Variants in NMBR observed in about 807,000 individuals in gnomAD.
NMBR encodes neuromedin-B receptor.
NMBR carries 16 observed loss-of-function variants against 20.5 expected under a neutral mutation model. The ratio of observed to expected loss-of-function variants is 0.78; its 90% CI spans 0.53 to 1.19. The LOEUF (loss-of-function observed/expected upper bound fraction) is 1.19, where lower values mean the gene tolerates loss of function less well. NMBR is among the 50% of genes most tolerant of loss of function. The probability of loss-of-function intolerance (pLI) is 0.00; values close to 1 mark genes in which losing one functional copy is unlikely to be tolerated. For missense variants in NMBR, 582 were observed against 499.1 expected (o/e 1.17, Z -1.58); for synonymous variants, 212 against 196.6 (o/e 1.08, Z -0.65).
chr6:142,086,021 C>CT lies in NMBR; in HGVS notation c.422+2215dup, dbSNP rs201667912. Among the ~76,000 whole-genome samples, 636 of 114,930 alleles carry CT rather than the reference C, an allele frequency of 5.5e-3. 2 individuals are homozygous for CT. Among genetic ancestry groups the CT allele is most frequent in the East Asian group, 0.024 (94 of 3,968 alleles). 75.4% of individuals were successfully genotyped at this position (114,930 alleles called of 152,430 possible). On this transcript the variant is annotated intron_variant, in intron 2 of 3. Transcript: ENST00000258042. ...AATCTAATGAATCAGCTCCTGTACT[C>CT]TTTTTTTTTTTTTTTAATGCTTGGG...
At chr6:142,123,509 T>C (rs1394280832) in intron 1 of NMBR, among the ~76,000 whole-genome samples, 2 of 151,954 alleles carry the variant, frequency 1.3e-5, no homozygotes, top group African/African-American at 2.4e-5. Context: ...GGTAAAATAC[T>C]GTCAAAAAGC....
chr6:142,103,259 T>C (rs1029661822), intron 1 of NMBR, among the ~76,000 whole-genome samples: 1 of 152,142 alleles, frequency 6.6e-6, no homozygotes, highest in Non-Finnish European at 1.5e-5. Flanking sequence ...CTGGTGAAAA[T>C]ATACTTTGGT....
At chr6:142,097,328 GT>G (rs1777474304) in intron 1 of NMBR, among the ~76,000 whole-genome samples, 1 of 152,066 alleles carries the variant, frequency 6.6e-6, no homozygotes, top group Non-Finnish European at 1.5e-5. Flanking sequence ...TCCTTTCCAT[GT>G]TTAGTGCTTC....
intron 2 of NMBR, among the ~76,000 whole-genome samples, chr6:142,082,797 T>A (rs919442649): frequency 1.3e-5 from 2 of 152,190 alleles, no homozygotes; most frequent in Admixed American, 6.5e-5. Context: ...ATATGTCACA[T>A]CATGAGGAAG....
In NMBR at chr6:142,074,687, G is replaced by A. The variant is rs191501182; in HGVS notation, c.*961C>T. Reference sequence around the variant, plus strand: ...GTATTGCAAGAGAGGATGAGTAAATGGTTGAACTCACTGGAATTACACAAA... The same window carrying A: ...GTATTGCAAGAGAGGATGAGTAAATAGTTGAACTCACTGGAATTACACAAA... On this transcript the variant is annotated 3_prime_UTR_variant, in exon 4 of 4. Coordinates refer to ENST00000258042, the MANE Select transcript of NMBR (RefSeq NM_002511.4). 2.0e-5 allele frequency among the ~76,000 whole-genome samples: 3 copies of A among 152,184 alleles called. No homozygotes were observed. Among genetic ancestry groups the A allele is most frequent in the Admixed American group, 6.5e-5 (1 of 15,268 alleles).
In NMBR at chr6:142,088,400, C is replaced by A. The variant is rs1251230421; in HGVS notation, c.259G>T (p.Ala87Ser). ...GTGAGCAGCAGCAGCAAGTCCCCGG[C>A]CGCCAGGTTAGAGATGAAGATGTTG... The part of the protein sequence containing the change: ...VPNIFISNLA[A>S]GDLLLLLTCV... The change falls in exon 2 of 4, where the codon GCC becomes TCC. Residue 87 changes from alanine (A) to serine (S), a missense_variant. Ala to Ser is a moderately conservative substitution (Grantham distance 99). Coordinates refer to ENST00000258042, the MANE Select transcript of NMBR (RefSeq NM_002511.4). 6.2e-7 allele frequency: 1 copy of A among 1,614,002 alleles called. No homozygotes were observed. Among genetic ancestry groups the A allele is most frequent in the Non-Finnish European group, 8.5e-7 (1 of 1,180,030 alleles).
Position 142,088,262 on chromosome 6 carries a change from T to C in NMBR, c.397A>G (p.Thr133Ala), listed in dbSNP as rs1777237973. ...CTGTCGGCGCTGAGGGCAGTGAGAG[T>C]GAACACGGAAACCCCCACGGAAGTG... ...QLTSVGVSVF[T>A]LTALSADRYR... Residue 133 changes from threonine to alanine, a missense_variant, in exon 2 of 4, where the codon ACT becomes GCT. Transcript: ENST00000258042. The C allele has an allele frequency of 5.0e-6, 8 of 1,612,532 alleles. No individual in the cohort carries two copies. Among genetic ancestry groups the C allele is most frequent in the Non-Finnish European group, 6.8e-6 (8 of 1,179,886 alleles).
rs1776903905 is a variant in NMBR, at chr6:142,075,133, A to G, written c.*515T>C. 6.6e-6 allele frequency among the ~76,000 whole-genome samples: 1 copy of G among 151,760 alleles called. No homozygotes were observed. Among genetic ancestry groups the G allele is most frequent in the Admixed American group, 6.6e-5 (1 of 15,226 alleles). ...ATACACACACACACACACTCATGCA[A>G]TAGTTGTGAATTGAATGAAATTCAC... On this transcript the variant is annotated 3_prime_UTR_variant, in exon 4 of 4. Coordinates refer to ENST00000258042, the MANE Select transcript of NMBR (RefSeq NM_002511.4).
In NMBR at chr6:142,146,958, C is replaced by A. The variant is rs539238078; in HGVS notation, c.-664+86G>T. ...TCTCCCAGTCAACATACATTATTTT[C>A]TTGTTTTTCCTTTTCTATCCTTCCT... On this transcript the variant is annotated intron_variant, in intron 1 of 3. Transcript: ENST00000258042. 1.3e-3 allele frequency among the ~76,000 whole-genome samples: 200 copies of A among 152,340 alleles called. 8 individuals are homozygous for A. In the South Asian group the frequency reaches 0.04, roughly 31 times the overall value.
In NMBR at chr6:142,083,550, T is replaced by A. The variant is rs375976035; in HGVS notation, c.423-4647A>T. On this transcript the variant is annotated intron_variant, in intron 2 of 3. Transcript: ENST00000258042. ...AACAAAATCTCATGTAGAATTGTAA[T>A]CCCCAGTGGTTGAGAGAGGGACCTG... Among the ~76,000 whole-genome samples the A allele has an allele frequency of 1.9e-4, 29 of 152,262 alleles. No homozygotes were observed. The East Asian group carries it at 4.2e-3, about 22-fold the overall frequency.
At chr6:142,108,337 T>A (rs1030724356) in intron 1 of NMBR, among the ~76,000 whole-genome samples, 1 of 152,154 alleles carries the variant, frequency 6.6e-6, no homozygotes, top group Non-Finnish European at 1.5e-5. Flanking sequence ...ATGATAAAAA[T>A]GACATTTACA....
chr6:142,076,103 C>T, intron 3 of NMBR, 54 bp from the exon 4 acceptor site: 2 of 1,478,898 alleles, frequency 1.4e-6, no homozygotes, highest in Non-Finnish European at 1.8e-6. Context: ...GAACCAGCCA[C>T]ATACCAACTT....
At chr6:142,134,426 G>A (rs1778208216) in intron 1 of NMBR, 3 of 441,542 alleles carry the variant, frequency 6.8e-6, no homozygotes, top group Non-Finnish European at 1.2e-5. Flanking sequence ...ATGAAACTTG[G>A]AATTTTTAAA....
intron 1 of NMBR, among the ~76,000 whole-genome samples, chr6:142,111,117 G>A (rs779344469): frequency 2.0e-5 from 3 of 151,956 alleles, no homozygotes; most frequent in Admixed American, 1.3e-4. Flanking sequence ...GCATGCGCGT[G>A]TATTCCCAAC....
intron 2 of NMBR, among the ~76,000 whole-genome samples, chr6:142,085,425 G>T (rs4413630): frequency 0.62 from 94,072 of 151,908 alleles, 30,504 homozygotes; most frequent in East Asian, 0.84. Context: ...TCAGGAGGTT[G>T]AGGCAGGAGA....
intron 1 of NMBR, among the ~76,000 whole-genome samples, chr6:142,093,772 G>C (rs1283670727): frequency 6.6e-6 from 1 of 152,182 alleles, no homozygotes; most frequent in Non-Finnish European, 1.5e-5. Context: ...CCCACCAACA[G>C]TGTAAAAGCA....
At position 142,075,487 on chromosome 6, in the gene NMBR, G is replaced by A. The variant is rs760346419; in HGVS notation, c.*161C>T. 139 of 586,192 alleles carry A rather than the reference G, an allele frequency of 2.4e-4. No homozygotes were observed. The highest frequency in any genetic ancestry group is 3.6e-4 in the Non-Finnish European group (125 of 343,294). 36.3% of individuals were successfully genotyped at this position (586,192 alleles called of 1,614,324 possible). A position where few individuals can be genotyped will look rare whatever the true frequency, so the allele number is the denominator to read the frequency against. ...TTCTAATTATTAGGAAATGAAAAGA[G>A]AAAAAATAAAGTCTAGTGTAGAGAA... On this transcript the variant is annotated 3_prime_UTR_variant, in exon 4 of 4. Coordinates refer to ENST00000258042, the MANE Select transcript of NMBR (RefSeq NM_002511.4).
rs9385986 is a variant in NMBR, at chr6:142,099,428, G to A, written c.-663-10107C>T. The stretch of plus-strand genomic sequence containing the variant: ...CAAAGACCTTCTTCACATGGTGGCC[G>A]AAAAGAGACAGAGTGTGAAGGGGAA... On this transcript the variant is annotated intron_variant, in intron 1 of 3. Coordinates refer to ENST00000258042, the MANE Select transcript of NMBR (RefSeq NM_002511.4). Among the ~76,000 whole-genome samples, 181 of 152,238 alleles carry A rather than the reference G, an allele frequency of 1.2e-3. 3 individuals carry two copies. In the East Asian group the frequency reaches 0.032, roughly 27 times the overall value.
intron 1 of NMBR, among the ~76,000 whole-genome samples, chr6:142,097,718 A>G (rs925904779): frequency 6.6e-6 from 1 of 152,124 alleles, no homozygotes; most frequent in Non-Finnish European, 1.5e-5. Flanking sequence ...ATCTAAAAAT[A>G]AGGACAAAAA....
Sources: allele counts gnomAD v4.1 joint callset (sites outside exome capture counted in the v4.1 genomes callset), GRCh38; gene constraint gnomAD v4.1.1; transcripts MANE v1.5; gene names NCBI Gene and HGNC (gene_info 2026-07-23, HGNC 2026-07-21).